Variants in PRR16 observed in about 807,000 individuals in gnomAD.
PRR16 encodes protein Largen.
PRR16 carries 6 observed loss-of-function variants against 18.2 expected under a neutral mutation model. The ratio of observed to expected loss-of-function variants is 0.33; its 90% confidence interval spans 0.18 to 0.65. The LOEUF (loss-of-function observed/expected upper bound fraction) is 0.65. Ranked by LOEUF, PRR16 falls within the 30% of genes least tolerant of loss-of-function variation. PRR16 has a pLI of 0.74. For missense variants in PRR16, 412 were observed against 376.6 expected (o/e 1.09, Z -0.78); for synonymous variants, 151 against 147.8 (o/e 1.02, Z -0.16).
In PRR16 at chr5:120,546,201, C is replaced by T. The variant is rs114076033; in HGVS notation, c.159+81556C>T. Among the ~76,000 whole-genome samples, 1,274 of 152,180 alleles carry T rather than the reference C, an allele frequency of 8.4e-3. 16 individuals are homozygous for T. The highest frequency in any genetic ancestry group is 0.029 in the African/African-American group (1,205 of 41,526). On this transcript the variant is annotated intron_variant, in intron 1 of 1. Transcript: ENST00000407149. ...ATATTTAGTGTAACAAAGATCTACT[C>T]ACAATCTGCTGATAATTACATCACC...
the PRR16 span, among the ~76,000 whole-genome samples, chr5:120,763,251 A>G: frequency 6.6e-6 from 1 of 152,004 alleles, no homozygotes; most frequent in Non-Finnish European, 1.5e-5. Flanking sequence ...GGTTCAAGCA[A>G]TTCTGCCTCA....
At chr5:120,528,242 T>G (rs879766589) in intron 1 of PRR16, among the ~76,000 whole-genome samples, 2 of 152,256 alleles carry the variant, frequency 1.3e-5, no homozygotes, top group Middle Eastern at 3.4e-3. Context: ...ACAAAAATAC[T>G]TAGCTTTTTG....
intron 1 of PRR16, among the ~76,000 whole-genome samples, chr5:120,500,542 A>G (rs1028927363): frequency 2.4e-4 from 36 of 152,256 alleles, no homozygotes; most frequent in Admixed American, 2.1e-3. Flanking sequence ...GATAATGAAG[A>G]CATGAATGTC....
the PRR16 span, among the ~76,000 whole-genome samples, chr5:120,704,184 G>T: frequency 5.7e-4 from 86 of 152,152 alleles, no homozygotes; most frequent in Non-Finnish European, 6.3e-4. Flanking sequence ...AATTTTGTTG[G>T]TGGTGGAGAA....
intron 1 of PRR16, among the ~76,000 whole-genome samples, chr5:120,540,353 T>A (rs1339080683): frequency 6.6e-6 from 1 of 152,122 alleles, no homozygotes; most frequent in African/African-American, 2.4e-5. Flanking sequence ...TTAACATGAT[T>A]TTCGGGCTTG....
At chr5:120,704,068 A>G in the PRR16 span, among the ~76,000 whole-genome samples, 2 of 152,214 alleles carry the variant, frequency 1.3e-5, no homozygotes, top group Non-Finnish European at 2.9e-5. Flanking sequence ...GTCAAAATTC[A>G]AACACAGAAG....
chr5:120,576,686 A>G (rs755366584), intron 1 of PRR16, among the ~76,000 whole-genome samples: 4 of 152,130 alleles, frequency 2.6e-5, no homozygotes, highest in Non-Finnish European at 5.9e-5. Context: ...TTCCTTGAGT[A>G]GGACAGTTTG....
the PRR16 span, among the ~76,000 whole-genome samples, chr5:120,721,862 A>G: frequency 2.0e-5 from 3 of 152,086 alleles, no homozygotes; most frequent in Non-Finnish European, 4.4e-5. Context: ...TATAAAATCT[A>G]TAAAATACTA....
the PRR16 span, among the ~76,000 whole-genome samples, chr5:120,706,798 A>T: frequency 6.6e-6 from 1 of 152,188 alleles, no homozygotes; most frequent in Non-Finnish European, 1.5e-5. Context: ...AGAAAGATCG[A>T]ATTCAACTTC....
chr5:120,726,193 G>A, the PRR16 span, among the ~76,000 whole-genome samples: 14 of 152,188 alleles, frequency 9.2e-5, no homozygotes, highest in South Asian at 2.9e-3. Context: ...GGAAAGTTGG[G>A]ATGTAAATAG....
intron 1 of PRR16, among the ~76,000 whole-genome samples, chr5:120,590,845 T>C (rs964474145): frequency 1.3e-5 from 2 of 152,168 alleles, no homozygotes; most frequent in African/African-American, 4.8e-5. Context: ...ATAAAATGAA[T>C]GTGTATATCA....
chr5:120,525,410 T>G (rs1183472026), intron 1 of PRR16, among the ~76,000 whole-genome samples: 1 of 152,060 alleles, frequency 6.6e-6, no homozygotes, highest in Non-Finnish European at 1.5e-5. Context: ...TTCTTTCCCT[T>G]TTAAATTTAT....
chr5:120,734,775 T>C, the PRR16 span, among the ~76,000 whole-genome samples: 1 of 152,210 alleles, frequency 6.6e-6, no homozygotes, highest in African/African-American at 2.4e-5. Context: ...TTCCCAAGTT[T>C]AAAACAATGT....
At chr5:120,775,479 G>C in the PRR16 span, among the ~76,000 whole-genome samples, 1 of 152,020 alleles carries the variant, frequency 6.6e-6, no homozygotes, top group Admixed American at 6.5e-5. Context: ...CATTTTCTCA[G>C]TTCAATATCT....
At chr5:120,624,246 C>T (rs1580800269) in intron 1 of PRR16, among the ~76,000 whole-genome samples, 3 of 152,192 alleles carry the variant, frequency 2.0e-5, no homozygotes, top group Admixed American at 1.3e-4. Flanking sequence ...TCATTACACT[C>T]ATATAAAATG....
At chr5:120,481,163 T>C (rs1390018786) in intron 1 of PRR16, 1 of 1,101,634 alleles carries the variant, frequency 9.1e-7, no homozygotes. Context: ...TATTTTTTTT[T>C]TGGAGATGAA....
At chr5:120,534,546 T>A (rs1292577298) in intron 1 of PRR16, among the ~76,000 whole-genome samples, 1 of 152,182 alleles carries the variant, frequency 6.6e-6, no homozygotes, top group African/African-American at 2.4e-5. Flanking sequence ...TGTATCTTTT[T>A]TGTATATATC....
chr5:120,483,556 C>T (rs1469926416), intron 1 of PRR16, among the ~76,000 whole-genome samples: 1 of 152,004 alleles, frequency 6.6e-6, no homozygotes, highest in African/African-American at 2.4e-5. Context: ...TTTTCGGAGA[C>T]CATATGTCAG....
intron 1 of PRR16, among the ~76,000 whole-genome samples, chr5:120,610,553 C>T (rs911919492): frequency 1.3e-5 from 2 of 151,852 alleles, no homozygotes; most frequent in African/African-American, 2.4e-5. Flanking sequence ...CCAGTCTTTC[C>T]CATGCTACTC....
Sources: allele counts gnomAD v4.1 joint callset (sites outside exome capture counted in the v4.1 genomes callset), GRCh38; gene constraint gnomAD v4.1.1; transcripts MANE v1.5; gene names NCBI Gene and HGNC (gene_info 2026-07-23, HGNC 2026-07-21).